NLRP1: variants seen among roughly 807,000 people sequenced by gnomAD.
The protein encoded by NLRP1 is NACHT, LRR and PYD domains-containing protein 1.
A neutral mutation model predicts 136.7 loss-of-function variants in NLRP1; 94 were observed. That is an observed-to-expected ratio of 0.69 (90% CI 0.58 to 0.82). The LOEUF (loss-of-function observed/expected upper bound fraction) is 0.82, where lower values mean the gene tolerates loss of function less well. Ranked by LOEUF, NLRP1 falls within the 40% of genes least tolerant of loss-of-function variation. NLRP1 has a pLI of 0.00. For synonymous variants in NLRP1, 690 were observed against 725.1 expected, an observed-to-expected ratio of 0.95 and a Z score of 0.78; for missense variants, 1,575 against 1,802.7, an observed-to-expected ratio of 0.87 and a Z score of 2.29.
chr17:5,540,532 G>A (rs1303856541), intron 6 of NLRP1, among the ~76,000 whole-genome samples: 2 of 152,134 alleles, frequency 1.3e-5, no homozygotes, highest in African/African-American at 2.4e-5. Context: ...GCTAAGAGAG[G>A]GAACAGGGAG....
chr17:5,505,366 A>G (rs543435523), intron 15 of NLRP1: 16 of 152,542 alleles, frequency 1.0e-4, no homozygotes, highest in African/African-American at 3.6e-4. Context: ...TTGCTGAGCA[A>G]GGCAGAGAAG....
downstream of NLRP1, chr17:5,512,029 A>G: frequency 3.2e-6 from 2 of 621,402 alleles, no homozygotes; most frequent in Non-Finnish European, 3.0e-6. Context: ...TAATGACAGT[A>G]CTAGTTGTTA....
chr17:5,522,841 A>T (rs1909069143), intron 12 of NLRP1, among the ~76,000 whole-genome samples: 1 of 152,186 alleles, frequency 6.6e-6, no homozygotes, highest in African/African-American at 2.4e-5. Context: ...AGGCAGGTAG[A>T]GAACAAGGAG....
intron 3 of NLRP1, among the ~76,000 whole-genome samples, chr17:5,560,575 G>A (rs1914623056): frequency 7.4e-6 from 1 of 135,404 alleles, no homozygotes; most frequent in African/African-American, 2.4e-5. Context: ...TGTAAGCCGG[G>A]TGGGCCAGAA....
intron 3 of NLRP1, among the ~76,000 whole-genome samples, chr17:5,580,433 GTT>G (rs918947523): frequency 6.7e-6 from 1 of 148,234 alleles, no homozygotes; most frequent in Non-Finnish European, 1.5e-5. Flanking sequence ...GTTTGTTGTT[GTT>G]TTTTTTTTAA....
intron 5 of NLRP1, among the ~76,000 whole-genome samples, chr17:5,545,488 A>G (rs1235979296): frequency 6.7e-6 from 1 of 149,342 alleles, no homozygotes; most frequent in Non-Finnish European, 1.5e-5. Context: ...ACACACACAC[A>G]CAGACACACA....
downstream of NLRP1, among the ~76,000 whole-genome samples, chr17:5,511,724 T>C (rs1049663806): frequency 4.1e-5 from 5 of 122,612 alleles, no homozygotes; most frequent in Non-Finnish European, 6.7e-5. Context: ...GCGTAGGTCC[T>C]TCCTTCTTTC....
At chr17:5,527,832 T>G (rs1414052774) in intron 12 of NLRP1, among the ~76,000 whole-genome samples, 1 of 152,174 alleles carries the variant, frequency 6.6e-6, no homozygotes, top group Non-Finnish European at 1.5e-5. Context: ...GTCACCCAAT[T>G]CCTTGGACAA....
At chr17:5,510,682 A>C (rs1907580587), downstream of NLRP1, among the ~76,000 whole-genome samples, 3 of 151,192 alleles carry the variant, frequency 2.0e-5, no homozygotes, top group Admixed American at 6.6e-5. Flanking sequence ...AATGAAAAAA[A>C]ATTTTTTTTT....
chr17:5,520,885 G>T lies in NLRP1; in HGVS notation c.3911C>A (p.Pro1304His). 1 of 1,599,144 alleles carries T rather than the reference G, an allele frequency of 6.3e-7. No homozygotes were observed. The highest frequency in any genetic ancestry group is 2.2e-5 in the East Asian group (1 of 44,692). The change falls in exon 14 of 17, where the codon CCC becomes CAC. Residue 1304 changes from proline to histidine, a missense_variant. Pro to His is a moderately conservative substitution (Grantham distance 77, BLOSUM62 -2). Transcript: ENST00000572272. ...GGCAGACACTGGGCTGCTCACCTTGGGGAGTATTTCCAGCATCCCTGAACC... is the reference window on the plus strand; with the variant it reads ...GGCAGACACTGGGCTGCTCACCTTGTGGAGTATTTCCAGCATCCCTGAACC... ...GSGSGMLEILPKELELCYRSP... is the reference protein window; with the variant it reads ...GSGSGMLEILHKELELCYRSP...
In NLRP1 at chr17:5,537,923, C is replaced by G. The variant is rs1911300944; in HGVS notation, c.2871-983G>C. On this transcript the variant is annotated intron_variant, in intron 7 of 16. Coordinates refer to ENST00000572272, the MANE Select transcript of NLRP1 (RefSeq NM_033004.4). This position sits in a 1 kb window ranked among gnomAD's most constrained non-coding sequence, Gnocchi z 4.5. ...GCCAAAAATACTCAGTGGGGAGCAG[C>G]AGGCTGGGGTGCAAAGGTGCTGCCC... Among the ~76,000 whole-genome samples the G allele has an allele frequency of 6.6e-6, 1 of 152,228 alleles. No homozygotes were observed. Among genetic ancestry groups the G allele is most frequent in the Admixed American group, 6.5e-5 (1 of 15,284 alleles).
intron 8 of NLRP1, among the ~76,000 whole-genome samples, chr17:5,536,415 G>A (rs1911067198): frequency 2.0e-5 from 3 of 149,360 alleles, no homozygotes; most frequent in Admixed American, 2.0e-4. Flanking sequence ...CCAAAGTGCT[G>A]GGATTACAGG....
At chr17:5,529,524 C>A (rs567334638) in intron 12 of NLRP1, among the ~76,000 whole-genome samples, 1 of 152,002 alleles carries the variant, frequency 6.6e-6, no homozygotes, top group Non-Finnish European at 1.5e-5. Flanking sequence ...CCTGCCGCCA[C>A]GCCCGGCTAA....
intron 5 of NLRP1, among the ~76,000 whole-genome samples, chr17:5,547,626 A>G (rs1912842179): frequency 1.3e-5 from 2 of 152,256 alleles, no homozygotes; most frequent in Non-Finnish European, 2.9e-5. Flanking sequence ...AAAAGAGTAC[A>G]TTGAAGATTG....
intron 5 of NLRP1, among the ~76,000 whole-genome samples, chr17:5,547,265 C>A (rs1325422931): frequency 6.6e-6 from 1 of 152,116 alleles, no homozygotes; most frequent in Non-Finnish European, 1.5e-5. Flanking sequence ...GCATACATAA[C>A]CCTAAATACA....
Position 5,539,544 on chromosome 17 carries a change from AG to A in NLRP1, c.2740del (p.Leu914TrpfsTer11). On this transcript the variant is annotated frameshift_variant, in exon 7 of 17. Transcript: ENST00000572272. LOFTEE classifies it high-confidence loss of function. ...GGGGCTGGCACTAAGCACAGAGGCC[AG>A]GTCCTGGCAGCAGTCAGACGTGAGG... ...CGLTSDCCQD[L>X]ASVLSASPSL... 2 of 1,613,726 alleles carry A rather than the reference AG, an allele frequency of 1.2e-6. No homozygotes were observed. The highest frequency in any genetic ancestry group is 1.7e-6 in the Non-Finnish European group (2 of 1,179,874).
Position 5,583,545 on chromosome 17 carries a change from T to C in NLRP1, c.271+142A>G. On this transcript the variant is annotated intron_variant, in intron 1 of 16. Transcript: ENST00000572272. The surrounding 1 kb of genome is among the most constrained non-coding windows in gnomAD (Gnocchi z 4.5). ...GCTCCAGCATAGTCTGGGGCCTGGA[T>C]CCCCCTTTGAGAGGGCAGTTCCATG... 1.1e-6 allele frequency: 1 copy of C among 873,684 alleles called. No homozygotes were observed. 54.1% of individuals were successfully genotyped at this position (873,684 alleles called of 1,614,324 possible). A position where few individuals can be genotyped will look rare whatever the true frequency, so the allele number is the denominator to read the frequency against.
exon 16 of NLRP1, chr17:5,501,549 G>T (rs200651345): frequency 5.7e-5 from 21 of 368,680 alleles, no homozygotes. Flanking sequence ...CTCAAGAATT[G>T]GTGCATTTCT....
chr17:5,553,614 G>T, intron 4 of NLRP1, 58 bp from the exon 5 acceptor site: 2 of 1,488,202 alleles, frequency 1.3e-6, no homozygotes, highest in African/African-American at 1.4e-5. Flanking sequence ...GGTTTGAGGT[G>T]CCCAGCCCTG....
Sources: gnomAD v4.1 joint callset for allele counts (sites outside exome capture counted in the v4.1 genomes callset) on GRCh38, gnomAD v4.1.1 for gene constraint, Gnocchi (gnomAD v3.1) non-coding constraint, MANE v1.5 for transcripts, NCBI Gene and HGNC (gene_info 2026-07-23, HGNC 2026-07-21) for gene names.